CD6: variants seen among roughly 807,000 people sequenced by gnomAD.
CD6 encodes the protein CD6 molecule.
Under a neutral mutation model 75.3 loss-of-function variants are expected in CD6, and 53 were observed. The observed-to-expected ratio is 0.70, with a 90% CI of 0.56 to 0.88. CD6 has a LOEUF of 0.88. Among genes scored for constraint, CD6 ranks in the 40% least tolerant of loss-of-function variants. The probability of loss-of-function intolerance (pLI) is 0.00; values close to 1 mark genes in which losing one functional copy is unlikely to be tolerated. For missense variants in CD6, 770 were observed against 897.1 expected (o/e 0.86, Z 1.81); for synonymous variants, 359 against 381.5 (o/e 0.94, Z 0.69).
At chr11:60,979,452 T>C (rs1310541781) in intron 1 of CD6, among the ~76,000 whole-genome samples, 1 of 151,486 alleles carries the variant, frequency 6.6e-6, no homozygotes, top group Non-Finnish European at 1.5e-5. Flanking sequence ...GCTCCATATT[T>C]TGTTTTGTTT....
chr11:60,974,992 C>T (rs1479030375), intron 1 of CD6, among the ~76,000 whole-genome samples: 1 of 152,134 alleles, frequency 6.6e-6, no homozygotes, highest in African/African-American at 2.4e-5. Flanking sequence ...CTCTGGCTGG[C>T]GAGGTCCTCG....
rs187272216 is a variant in CD6, at chr11:61,010,098, A to G, written c.1084+224A>G. On this transcript the variant is annotated intron_variant, in intron 5 of 12. Transcript: ENST00000313421. The stretch of plus-strand genomic sequence containing the variant: ...CCAGAATGATGAATCATATATGAAG[A>G]CATTATATGCTAAGCAATGGTTCCT... Among the ~76,000 whole-genome samples, 188 of 152,338 alleles carry G rather than the reference A, an allele frequency of 1.2e-3. 2 individuals are homozygous for G. Among genetic ancestry groups the G allele is most frequent in the Non-Finnish European group, 6.0e-4 (41 of 68,014 alleles).
chr11:60,978,352 C>T (rs901967690), intron 1 of CD6, among the ~76,000 whole-genome samples: 2 of 152,120 alleles, frequency 1.3e-5, no homozygotes, highest in East Asian at 1.9e-4. Flanking sequence ...CTGGATTTTC[C>T]CAGTGAGCCC....
intron 1 of CD6, among the ~76,000 whole-genome samples, chr11:60,978,766 C>A (rs555597150): frequency 6.6e-6 from 1 of 152,262 alleles, no homozygotes; most frequent in East Asian, 1.9e-4. Context: ...CAGGCAGACG[C>A]GGGTTCTGAA....
At chr11:61,014,924 A>G (rs1859333175) in intron 8 of CD6, among the ~76,000 whole-genome samples, 1 of 152,186 alleles carries the variant, frequency 6.6e-6, no homozygotes, top group Admixed American at 6.5e-5. Context: ...CTTTGCACAG[A>G]GAGTCCATAT....
In CD6 at chr11:60,971,725, C is replaced by A; in HGVS notation, c.-141C>A. On this transcript the variant is annotated 5_prime_UTR_variant, in exon 1 of 13. Coordinates refer to ENST00000313421, the MANE Select transcript of CD6 (RefSeq NM_006725.5). ...CGCATGCGTGTCGGAGAGGAGAGAG[C>A]AGAGAGAGACACAGGAACAAGAACA... 2 of 747,688 alleles carry A rather than the reference C, an allele frequency of 2.7e-6. No individual in the cohort carries two copies. Among genetic ancestry groups the A allele is most frequent in the Non-Finnish European group, 4.5e-6 (2 of 441,220 alleles). 46.3% of individuals were successfully genotyped at this position (747,688 alleles called of 1,614,324 possible). A position where few individuals can be genotyped will look rare whatever the true frequency, so the allele number is the denominator to read the frequency against.
intron 1 of CD6, 128 bp downstream of exon 1, chr11:60,972,042 T>C: frequency 1.1e-6 from 1 of 949,908 alleles, no homozygotes; most frequent in South Asian, 1.4e-5. Context: ...TACACTCAGG[T>C]ACCAGGGAGG....
intron 6 of CD6, among the ~76,000 whole-genome samples, chr11:61,013,136 G>C (rs753709793): frequency 2.0e-5 from 3 of 152,196 alleles, no homozygotes; most frequent in African/African-American, 4.8e-5. Flanking sequence ...ATTGAACAAA[G>C]ACTACATACT....
intron 1 of CD6, chr11:60,982,516 C>A: frequency 4.4e-6 from 2 of 449,650 alleles, no homozygotes; most frequent in Non-Finnish European, 9.0e-6. Flanking sequence ...AGCAGGCGGG[C>A]GCGGGGAGAC....
At chr11:61,002,176 C>A (rs975525271) in intron 1 of CD6, among the ~76,000 whole-genome samples, 2 of 152,136 alleles carry the variant, frequency 1.3e-5, no homozygotes, top group Non-Finnish European at 2.9e-5. Flanking sequence ...CATAAGATGC[C>A]ATGCTGTAAA....
chr11:60,995,232 C>G (rs556219223), intron 1 of CD6, among the ~76,000 whole-genome samples: 6 of 152,210 alleles, frequency 3.9e-5, no homozygotes, highest in Admixed American at 2.6e-4. Context: ...GCAACCTCCC[C>G]CTCCCGGATT....
At chr11:60,990,560 C>T (rs1488176772) in intron 1 of CD6, among the ~76,000 whole-genome samples, 3 of 152,074 alleles carry the variant, frequency 2.0e-5, no homozygotes, top group Admixed American at 6.6e-5. Flanking sequence ...GTCCTCACCA[C>T]CCAGACTTAG....
intron 5 of CD6, among the ~76,000 whole-genome samples, chr11:61,010,520 C>T (rs113536235): frequency 1.3e-3 from 203 of 152,302 alleles, no homozygotes; most frequent in African/African-American, 4.1e-3. Context: ...TGCATTCTTA[C>T]GGCATTCAGA....
At chr11:60,995,472 C>G (rs1227355928) in intron 1 of CD6, among the ~76,000 whole-genome samples, 1 of 152,180 alleles carries the variant, frequency 6.6e-6, no homozygotes, top group African/African-American at 2.4e-5. Context: ...AATGGAATTA[C>G]AGGCGTTCCC....
chr11:61,003,025 C>T (rs577108709), intron 1 of CD6, among the ~76,000 whole-genome samples: 17 of 152,000 alleles, frequency 1.1e-4, no homozygotes, highest in African/African-American at 2.6e-4. Flanking sequence ...AGGGCAGTGG[C>T]GCAATCTCAG....
At chr11:60,994,579 C>G (rs1858217432) in intron 1 of CD6, among the ~76,000 whole-genome samples, 1 of 151,660 alleles carries the variant, frequency 6.6e-6, no homozygotes, top group Non-Finnish European at 1.5e-5. Context: ...ATTTGTGTCC[C>G]CAAGCCCTGC....
chr11:60,977,613 C>T (rs1000231461), intron 1 of CD6, among the ~76,000 whole-genome samples: 1 of 152,102 alleles, frequency 6.6e-6, no homozygotes, highest in East Asian at 1.9e-4. Flanking sequence ...ATTTACTTAA[C>T]GTAATTTCCC....
chr11:61,012,488 G>A (rs1356427678), intron 6 of CD6, among the ~76,000 whole-genome samples: 2 of 152,148 alleles, frequency 1.3e-5, no homozygotes, highest in Admixed American at 1.3e-4. Context: ...AGAGAGGGGA[G>A]AGGAGAAAAT....
chr11:61,009,444 G>A (rs1859034919), intron 4 of CD6, 128 bp from the exon 5 acceptor site: 1 of 828,202 alleles, frequency 1.2e-6, no homozygotes, highest in African/African-American at 1.7e-5. Flanking sequence ...CACAGACACA[G>A]GAGGGAGAAG....
Sources: gnomAD v4.1 joint callset for allele counts (sites outside exome capture counted in the v4.1 genomes callset) on GRCh38, gnomAD v4.1.1 for gene constraint, MANE v1.5 for transcripts, NCBI Gene and HGNC (gene_info 2026-07-23, HGNC 2026-07-21) for gene names.